The following BOC variants were observed in gnomAD, a reference collection of about 807,000 sequenced individuals.
BOC encodes the protein BOC cell adhesion associated, oncogene regulated.
Under a neutral mutation model 112.0 loss-of-function variants are expected in BOC, and 76 were observed. The observed-to-expected ratio is 0.68, with a 90% CI of 0.56 to 0.82. The LOEUF is 0.82. Among genes scored for constraint, BOC ranks in the 40% least tolerant of loss-of-function variants. The pLI is 0.00. For synonymous variants in BOC, 580 were observed against 599.8 expected (o/e 0.97, Z 0.48); for missense variants, 1,309 against 1,511.7 (o/e 0.87, Z 2.22).
chr3:113,271,164 G>A (rs749715530), intron 6 of BOC: 2 of 707,788 alleles, frequency 2.8e-6, no homozygotes, highest in East Asian at 2.8e-5. Context: ...CCAGGCGACT[G>A]CCTGCTGCCA....
intron 4 of BOC, among the ~76,000 whole-genome samples, chr3:113,259,109 A>T (rs913309385): frequency 6.6e-6 from 1 of 152,358 alleles, no homozygotes; most frequent in East Asian, 1.9e-4. Context: ...AGTTCTGCTC[A>T]GAGCATCTTG....
chr3:113,248,516 GT>G (rs1246258401), intron 2 of BOC, among the ~76,000 whole-genome samples: 2 of 152,178 alleles, frequency 1.3e-5, no homozygotes, highest in Admixed American at 6.5e-5. Context: ...ATGATCCACC[GT>G]GCAGATCACT....
intron 4 of BOC, among the ~76,000 whole-genome samples, chr3:113,259,625 C>A (rs1946598586): frequency 6.6e-6 from 1 of 152,086 alleles, no homozygotes; most frequent in African/African-American, 2.4e-5. Flanking sequence ...AGACTTTCAG[C>A]CATTTTTGGA....
intron 2 of BOC, among the ~76,000 whole-genome samples, chr3:113,227,956 T>C (rs1941943251): frequency 6.6e-6 from 1 of 152,118 alleles, no homozygotes; most frequent in Admixed American, 6.6e-5. Flanking sequence ...AAGGTTACTC[T>C]TTCCAAAAGA....
At chr3:113,243,205 G>A (rs567022900) in intron 2 of BOC, among the ~76,000 whole-genome samples, 2 of 152,314 alleles carry the variant, frequency 1.3e-5, no homozygotes, top group South Asian at 4.1e-4. Flanking sequence ...AAGAAACTGG[G>A]TTGAAGAGAA....
chr3:113,283,365 A>G, intron 15 of BOC, 46 bp from the exon 16 acceptor site: 2 of 1,521,244 alleles, frequency 1.3e-6, no homozygotes, highest in South Asian at 1.2e-5. Flanking sequence ...TGTGAAGGAA[A>G]TATCAAAGAA....
intron 11 of BOC, chr3:113,279,001 G>A: frequency 3.1e-6 from 2 of 635,262 alleles, no homozygotes; most frequent in African/African-American, 3.7e-5. Context: ...AGCAGCAGAG[G>A]CCAGAGCTGT....
intron 4 of BOC, among the ~76,000 whole-genome samples, chr3:113,263,734 C>T (rs1254647687): frequency 6.6e-6 from 1 of 152,144 alleles, no homozygotes; most frequent in African/African-American, 2.4e-5. Context: ...CTCTGCCAAG[C>T]CTTTTATTAA....
intron 18 of BOC, 130 bp from the exon 19 acceptor site, chr3:113,285,242 A>C (rs1949563360): frequency 2.6e-6 from 2 of 779,474 alleles, no homozygotes; most frequent in Non-Finnish European, 4.3e-6. Context: ...CAAAGGGGAG[A>C]GCAGTCCTTG....
chr3:113,257,985 G>A (rs1280724348), intron 4 of BOC, among the ~76,000 whole-genome samples: 1 of 152,202 alleles, frequency 6.6e-6, no homozygotes, highest in Admixed American at 6.5e-5. Flanking sequence ...TAATGGAGAA[G>A]GTGGACTTTG....
chr3:113,238,075 C>T lies in BOC; in HGVS notation c.-81-11647C>T, dbSNP rs138995846. 3.3e-5 allele frequency among the ~76,000 whole-genome samples: 5 copies of T among 152,110 alleles called. 1 individual carries two copies. The highest frequency in any genetic ancestry group is 4.2e-4 in the South Asian group (2 of 4,816). The stretch of plus-strand genomic sequence containing the variant: ...GTTATATAAGGTGTGTGAGATGCTA[C>T]GGGAACCAGAATGAGGAACAGCCAC... On this transcript the variant is annotated intron_variant, in intron 2 of 19. Transcript: ENST00000682979.
chr3:113,232,896 C>T (rs1451756866), intron 2 of BOC, among the ~76,000 whole-genome samples: 6 of 152,096 alleles, frequency 3.9e-5, no homozygotes, highest in Non-Finnish European at 7.4e-5. Flanking sequence ...CATCCCTATG[C>T]GAGTTGATTT....
intron 2 of BOC, among the ~76,000 whole-genome samples, chr3:113,231,909 A>G (rs1433872174): frequency 1.3e-5 from 2 of 152,158 alleles, no homozygotes; most frequent in African/African-American, 4.8e-5. Context: ...GGGATATGTG[A>G]ATGAACAACA....
intron 2 of BOC, among the ~76,000 whole-genome samples, chr3:113,216,620 A>G (rs1368380398): frequency 2.6e-5 from 4 of 152,254 alleles, no homozygotes; most frequent in Non-Finnish European, 4.4e-5. Context: ...TGTCAGTGGT[A>G]TCACAGCAAA....
In BOC at chr3:113,281,028, C is replaced by T. The variant is rs1949149431; in HGVS notation, c.2312-3C>T. The T allele has an allele frequency of 6.2e-7, 1 of 1,613,796 alleles. No homozygotes were observed. Among genetic ancestry groups the T allele is most frequent in the African/African-American group, 1.3e-5 (1 of 74,918 alleles). The stretch of plus-strand genomic sequence containing the variant: ...TGCACCATTCTCTGACTCTGTTTCC[C>T]AGGGGACAAGTACTGGCACTCCATC... On this transcript the variant is annotated splice_region_variant and splice_polypyrimidine_tract_variant and intron_variant, in intron 14 of 19. Transcript: ENST00000682979.
At chr3:113,244,266 G>T (rs1312407489) in intron 2 of BOC, among the ~76,000 whole-genome samples, 1 of 151,866 alleles carries the variant, frequency 6.6e-6, no homozygotes, top group Non-Finnish European at 1.5e-5. Context: ...CTTGCATATT[G>T]TGTTGTATGT....
At chr3:113,240,408 C>G (rs932101549) in intron 2 of BOC, among the ~76,000 whole-genome samples, 6 of 152,264 alleles carry the variant, frequency 3.9e-5, no homozygotes, top group Admixed American at 1.3e-4. Flanking sequence ...ACAGTAGGAG[C>G]CTTTTGCTTC....
intron 2 of BOC, among the ~76,000 whole-genome samples, chr3:113,229,078 G>A (rs146519379): frequency 6.6e-6 from 1 of 152,328 alleles, no homozygotes; most frequent in Non-Finnish European, 1.5e-5. Context: ...GGACTGGGAG[G>A]GCCGGGAAGG....
At chr3:113,272,227 T>A (rs1368185067) in intron 6 of BOC, 183 bp from the exon 7 acceptor site, 7 of 645,970 alleles carry the variant, frequency 1.1e-5, no homozygotes, top group Non-Finnish European at 1.6e-5. Flanking sequence ...AAGCAGTCCT[T>A]GTTTCTGATA....
Sources: allele counts gnomAD v4.1 joint callset (sites outside exome capture counted in the v4.1 genomes callset), GRCh38; gene constraint gnomAD v4.1.1; transcripts MANE v1.5; gene names NCBI Gene and HGNC (gene_info 2026-07-23, HGNC 2026-07-21).